Variants in SLC12A3 observed in about 807,000 individuals in gnomAD.
SLC12A3 encodes Na-Cl cotransporter.
A neutral mutation model predicts 121.0 loss-of-function variants in SLC12A3; 104 were observed. The observed-to-expected ratio is 0.86, with a 90% CI of 0.73 to 1.01. The LOEUF (loss-of-function observed/expected upper bound fraction) is 1.01. Among genes scored for constraint, SLC12A3 ranks in the 50% least tolerant of loss-of-function variants. The pLI, the probability that SLC12A3 is intolerant of heterozygous loss-of-function variation, is 0.00. For missense variants in SLC12A3, 1,328 were observed against 1,356.3 expected (o/e 0.98, Z 0.33); for synonymous variants, 536 against 533.4 (o/e 1.00, Z -0.07).
At chr16:56,897,028 G>A (rs2055470749) in intron 22 of SLC12A3, among the ~76,000 whole-genome samples, 1 of 151,750 alleles carries the variant, frequency 6.6e-6, no homozygotes, top group Non-Finnish European at 1.5e-5. Flanking sequence ...GGAGGCGAAG[G>A]TTGCAGTGAG....
intron 8 of SLC12A3, 80 bp downstream of exon 8, chr16:56,872,866 C>A: frequency 6.3e-7 from 1 of 1,580,358 alleles, no homozygotes; most frequent in East Asian, 2.2e-5. Flanking sequence ...GCTCTAGTGG[C>A]ATCTGCCGCT....
intron 25 of SLC12A3, among the ~76,000 whole-genome samples, chr16:56,909,855 G>C (rs546351365): frequency 6.6e-6 from 1 of 152,164 alleles, no homozygotes; most frequent in African/African-American, 2.4e-5. Flanking sequence ...CTAGCATCTG[G>C]GAGAGCGTGC....
intron 14 of SLC12A3, among the ~76,000 whole-genome samples, 200 bp from the exon 15 acceptor site, chr16:56,885,065 C>T (rs1196086398): frequency 6.6e-6 from 1 of 152,200 alleles, no homozygotes; most frequent in Non-Finnish European, 1.5e-5. Context: ...CCGTGCCTGG[C>T]CTTGATGTGT....
At chr16:56,906,909 GT>G (rs2055615068) in intron 25 of SLC12A3, 1 of 492,462 alleles carries the variant, frequency 2.0e-6, no homozygotes, top group Non-Finnish European at 3.8e-6. Flanking sequence ...GGCCACGTTG[GT>G]GCTGGCAAAA....
chr16:56,882,753 G>T (rs1237158736), intron 13 of SLC12A3, among the ~76,000 whole-genome samples: 2 of 152,050 alleles, frequency 1.3e-5, no homozygotes, highest in Non-Finnish European at 2.9e-5. Context: ...GACCAGCCTG[G>T]CCAACATGGT....
chr16:56,896,049 C>T (rs964877085), intron 22 of SLC12A3, among the ~76,000 whole-genome samples: 3 of 152,172 alleles, frequency 2.0e-5, no homozygotes, highest in Non-Finnish European at 2.9e-5. Flanking sequence ...GCCATGCACC[C>T]GGTTCCTAAC....
chr16:56,884,784 G>T (rs1325282501), intron 14 of SLC12A3, among the ~76,000 whole-genome samples: 1 of 152,026 alleles, frequency 6.6e-6, no homozygotes, highest in East Asian at 1.9e-4. Flanking sequence ...GGGGGGACTG[G>T]GGTGCAGTGT....
At chr16:56,906,783 A>G (rs1358331170) in intron 25 of SLC12A3, 5 of 760,358 alleles carry the variant, frequency 6.6e-6, no homozygotes, top group Non-Finnish European at 8.7e-6. Flanking sequence ...TTATGCAAAG[A>G]AAAGTGAACC....
intron 1 of SLC12A3, among the ~76,000 whole-genome samples, 183 bp from the exon 2 acceptor site, chr16:56,866,887 C>T (rs770117472): frequency 3.3e-5 from 5 of 152,220 alleles, no homozygotes; most frequent in Admixed American, 2.0e-4. Context: ...TTACTACAGG[C>T]GTGAGCCACT....
At chr16:56,906,674 A>G in intron 25 of SLC12A3, 1 of 466,514 alleles carries the variant, frequency 2.1e-6, no homozygotes, top group Non-Finnish European at 3.9e-6. Context: ...TAGCCAAAAT[A>G]TACAAGACCA....
intron 8 of SLC12A3, among the ~76,000 whole-genome samples, chr16:56,877,395 C>CA (rs530640078): frequency 7.4e-4 from 103 of 139,964 alleles, no homozygotes; most frequent in East Asian, 2.5e-3. Context: ...GACTCTGTCT[C>CA]AAAAAAAAAA....
Position 56,886,383 on chromosome 16 carries a change from A to G in SLC12A3, c.1945A>G (p.Thr649Ala). Residue 649 changes from threonine to alanine, a missense_variant, in exon 16 of 26, where the codon ACG (threonine) becomes GCG (alanine). By Grantham distance (58) the Thr-to-Ala change is moderately conservative. Coordinates refer to ENST00000563236, the MANE Select transcript of SLC12A3 (RefSeq NM_001126108.2). ...KNYRPQCLVL[T>A]GPPNFRPALV... Reference sequence around the variant, plus strand: ...CCTCAGCCCCCAGTGCCTGGTGCTCACGGGGCCCCCCAACTTCCGCCCGGC... The same window carrying G: ...CCTCAGCCCCCAGTGCCTGGTGCTCGCGGGGCCCCCCAACTTCCGCCCGGC... 1 of 1,613,950 alleles carries G rather than the reference A, an allele frequency of 6.2e-7. No individual in the cohort carries two copies. Among genetic ancestry groups the G allele is most frequent in the Non-Finnish European group, 8.5e-7 (1 of 1,179,952 alleles).
intron 18 of SLC12A3, among the ~76,000 whole-genome samples, chr16:56,889,608 T>G: frequency 6.6e-6 from 1 of 152,150 alleles, no homozygotes; most frequent in South Asian, 2.1e-4. Context: ...CAAGTAGCTG[T>G]GATTACAGGT....
chr16:56,870,688 C>T lies in SLC12A3; in HGVS notation c.804C>T (p.Val268=), dbSNP rs757460919. The stretch of plus-strand genomic sequence containing the variant: ...TCCGCATCATTGCCGTGGTCTCGGT[C>T]ACTGTGCTGCTGGCCATCTCCCTGG... ...NDIRIIAVVS[V]TVLLAISLAG... The change falls in exon 6 of 26, where the codon GTC becomes GTT. Residue 268 remains valine (V), a synonymous_variant. Transcript: ENST00000563236. 145 of 1,613,824 alleles carry T rather than the reference C, an allele frequency of 9.0e-5. No homozygotes were observed. Among genetic ancestry groups the T allele is most frequent in the Non-Finnish European group, 1.1e-4 (135 of 1,179,844 alleles).
chr16:56,900,778 G>A (rs1438095658), intron 23 of SLC12A3, among the ~76,000 whole-genome samples: 3 of 152,020 alleles, frequency 2.0e-5, no homozygotes, highest in East Asian at 1.9e-4. Context: ...TGACCCACCC[G>A]CCTTGGCCTC....
intron 2 of SLC12A3, 126 bp downstream of exon 2, chr16:56,867,342 C>A: frequency 1.1e-6 from 1 of 951,802 alleles, no homozygotes; most frequent in Non-Finnish European, 1.6e-6. Context: ...ACAATGAATT[C>A]AATGAGTTAA....
At chr16:56,906,226 A>C (rs1596955607) in intron 25 of SLC12A3, among the ~76,000 whole-genome samples, 2 of 152,244 alleles carry the variant, frequency 1.3e-5, no homozygotes, top group Non-Finnish European at 2.9e-5. Context: ...TGTACGTTGC[A>C]TGCATCCCTT....
At chr16:56,892,598 C>T (rs1466594953) in intron 20 of SLC12A3, among the ~76,000 whole-genome samples, 1 of 152,144 alleles carries the variant, frequency 6.6e-6, no homozygotes, top group Non-Finnish European at 1.5e-5. Flanking sequence ...TTTCCTTCGT[C>T]CTCTCCCACC....
At chr16:56,888,128 G>T in intron 18 of SLC12A3, 97 bp downstream of exon 18, 1 of 846,750 alleles carries the variant, frequency 1.2e-6, no homozygotes, top group East Asian at 2.8e-5. Flanking sequence ...AAAAAGTTGA[G>T]TCCTGCTGGG....
Sources: gnomAD v4.1 joint callset for allele counts (sites outside exome capture counted in the v4.1 genomes callset) on GRCh38, gnomAD v4.1.1 for gene constraint, MANE v1.5 for transcripts, NCBI Gene and HGNC (gene_info 2026-07-23, HGNC 2026-07-21) for gene names.